The following GCN1 variants were observed in gnomAD, a reference collection of about 807,000 sequenced individuals.
GCN1 encodes the protein stalled ribosome sensor GCN1.
In GCN1, 90 loss-of-function variants were observed where a neutral mutation model predicts 288.4. That is an observed-to-expected ratio of 0.31 (90% CI 0.26 to 0.37). The LOEUF (loss-of-function observed/expected upper bound fraction) is 0.37, where lower values mean the gene tolerates loss of function less well. GCN1 is among the 10% of genes least tolerant of loss of function. The pLI, the probability that GCN1 is intolerant of heterozygous loss-of-function variation, is 1.00. For missense variants in GCN1, 2,586 were observed against 3,419.9 expected, an observed-to-expected ratio of 0.76 and a Z score of 6.08; for synonymous variants, 1,386 against 1,420.2, an observed-to-expected ratio of 0.98 and a Z score of 0.54.
chr12:120,167,181 A>T (rs1878158436), intron 16 of GCN1, among the ~76,000 whole-genome samples: 1 of 146,180 alleles, frequency 6.8e-6, no homozygotes, highest in African/African-American at 2.5e-5. Context: ...CTCTACTAAG[A>T]AAAAAAAAAA....
In GCN1 at chr12:120,136,607, G is replaced by A; in HGVS notation, c.6903C>T (p.Pro2301=). 1 of 1,614,158 alleles carries A rather than the reference G, an allele frequency of 6.2e-7. No homozygotes were observed. The highest frequency in any genetic ancestry group is 8.5e-7 in the Non-Finnish European group (1 of 1,179,986). The change falls in exon 51 of 58, where the codon CCC becomes CCT. Residue 2301 remains proline, a synonymous_variant. Transcript: ENST00000300648. ...GAGGGCCAGTGATGCTGACCACGGA[G>A]GGCCTCAGGGCGTCAGCCGAGGTCA... The part of the protein sequence containing the change: ...IRLTSADALR[P]SVVSITGPLI...
Position 120,144,476 on chromosome 12 carries a change from G to A in GCN1, c.5353-28C>T. The A allele has an allele frequency of 6.2e-7, 1 of 1,602,262 alleles. No homozygotes were observed. The highest frequency in any genetic ancestry group is 2.2e-5 in the East Asian group (1 of 44,680). ...GGGCACACAGAGGGTGGGTCAGCCA[G>A]AGCTGCCACCCCCAGGCCCCCAGCC... is the stretch of plus-strand genomic sequence containing the variant. On this transcript the variant is annotated intron_variant, in intron 41 of 57. Coordinates refer to ENST00000300648, the MANE Select transcript of GCN1 (RefSeq NM_006836.2). The surrounding 1 kb of genome is among the most constrained non-coding windows in gnomAD (Gnocchi z 4.7).
At chr12:120,159,792 G>T (rs1452629250) in intron 24 of GCN1, 33 bp downstream of exon 24, 14 of 1,594,528 alleles carry the variant, frequency 8.8e-6, no homozygotes, top group Admixed American at 1.7e-5. Context: ...GGCACCCCTG[G>T]GCCATCCCTG....
At position 120,188,814 on chromosome 12, in the gene GCN1, A is replaced by G. The variant is rs1345664262; in HGVS notation, c.121+1484T>C. Among the ~76,000 whole-genome samples, 14 of 150,456 alleles carry G rather than the reference A, an allele frequency of 9.3e-5. No homozygotes were observed. The Admixed American group carries it at 9.3e-4, about 10-fold the overall frequency. ...CAGTGAGCTGAGATCATGCCACTGC[A>G]CTCCAGCCTGGGCAACACAGTGAGA... On this transcript the variant is annotated intron_variant, in intron 2 of 57. Transcript: ENST00000300648.
At chr12:120,129,207 T>C in intron 57 of GCN1, 69 bp downstream of exon 57, 1 of 1,154,652 alleles carries the variant, frequency 8.7e-7, no homozygotes, top group South Asian at 1.2e-5. Context: ...TTTAAATATT[T>C]CCATGCTGAA....
intron 2 of GCN1, among the ~76,000 whole-genome samples, chr12:120,187,490 C>A (rs1431960301): frequency 6.6e-5 from 10 of 151,970 alleles, no homozygotes; most frequent in African/African-American, 2.4e-4. Flanking sequence ...TGCTGGGATT[C>A]CAGGTGTGAG....
chr12:120,151,051 G>A lies in GCN1; in HGVS notation c.4309+94C>T, dbSNP rs568760130. The A allele has an allele frequency of 8.7e-6, 12 of 1,385,750 alleles. No individual in the cohort carries two copies. The Admixed American group carries it at 1.4e-4, about 16-fold the overall frequency. The allele number at this position is 1,385,750 out of a possible 1,614,324, so 85.8% of individuals were successfully genotyped here. On this transcript the variant is annotated intron_variant, in intron 34 of 57. Coordinates refer to ENST00000300648, the MANE Select transcript of GCN1 (RefSeq NM_006836.2). ...CTCTGTAGTACACGCACAAGCAACG[G>A]CCTCCACCTGGGGCGCCACGGTCAG...
chr12:120,165,002 T>TAC (rs55710290), intron 16 of GCN1, among the ~76,000 whole-genome samples: 2,099 of 136,854 alleles, frequency 0.015, 48 homozygotes, highest in African/African-American at 0.05. Context: ...TACACATATA[T>TAC]ACACACACAC....
In GCN1 at chr12:120,155,828, G is replaced by C; in HGVS notation, c.3313-109C>G. On this transcript the variant is annotated intron_variant, in intron 28 of 57. Coordinates refer to ENST00000300648, the MANE Select transcript of GCN1 (RefSeq NM_006836.2). The surrounding 1 kb of genome is among the most constrained non-coding windows in gnomAD (Gnocchi z 4.9). The stretch of plus-strand genomic sequence containing the variant: ...ACTGTCCAAGATGTAGCCACTAACC[G>C]CATGTGGCTAAAGTTAAATCAATTA... The C allele has an allele frequency of 1.0e-6, 1 of 985,740 alleles. No homozygotes were observed. The highest frequency in any genetic ancestry group is 1.5e-6 in the Non-Finnish European group (1 of 651,634). The allele number at this position is 985,740 out of a possible 1,614,324, so 61.1% of individuals were successfully genotyped here.
chr12:120,175,635 ACAGC>A, intron 11 of GCN1, 107 bp downstream of exon 11: 3 of 1,164,368 alleles, frequency 2.6e-6, no homozygotes, highest in South Asian at 2.9e-5. Flanking sequence ...CCCTGGCCAC[ACAGC>A]CTTGCCACAG....
Position 120,153,744 on chromosome 12 carries a change from C to T in GCN1, c.3867G>A (p.Lys1289=). ...AALATLNTHG[K]ENVNSLLPVF... ...TGTTCCCTGGCTGGGACCCCCTTAC[C>T]TTCCCATGAGTGTTGAGCGTTGCGA... The change falls in exon 32 of 58, where the codon AAG becomes AAA. Residue 1289 remains lysine (K), a splice_region_variant and synonymous_variant. Coordinates refer to ENST00000300648, the MANE Select transcript of GCN1 (RefSeq NM_006836.2). This position sits in a 1 kb window ranked among gnomAD's most constrained non-coding sequence, Gnocchi z 4.4. 6.2e-7 allele frequency: 1 copy of T among 1,613,658 alleles called. No homozygotes were observed. The highest frequency in any genetic ancestry group is 8.5e-7 in the Non-Finnish European group (1 of 1,179,726).
chr12:120,184,006 T>G, intron 4 of GCN1, 106 bp downstream of exon 4: 2 of 1,112,356 alleles, frequency 1.8e-6, no homozygotes, highest in African/African-American at 3.1e-5. Flanking sequence ...TTTTCTCCAC[T>G]AAGCTTGCTA....
chr12:120,178,974 G>C (rs764407280), intron 5 of GCN1, 24 bp from the exon 6 acceptor site: 10 of 1,587,952 alleles, frequency 6.3e-6, no homozygotes, highest in Non-Finnish European at 6.9e-6. Context: ...GGAAGACTCA[G>C]GTCAAGGTGG....
intron 53 of GCN1, among the ~76,000 whole-genome samples, chr12:120,132,954 T>C (rs1373157335): frequency 6.6e-6 from 1 of 152,232 alleles, no homozygotes; most frequent in Non-Finnish European, 1.5e-5. Flanking sequence ...TCCAACTTCA[T>C]CTATTTTAAG....
At chr12:120,157,067 T>A (rs1453792656) in intron 26 of GCN1, 75 bp from the exon 27 acceptor site, 3 of 907,686 alleles carry the variant, frequency 3.3e-6, no homozygotes, top group African/African-American at 1.6e-5. Context: ...CGGCAGGGCA[T>A]CCTCTCACCC....
At chr12:120,192,732 G>GAA (rs10555637) in intron 1 of GCN1, among the ~76,000 whole-genome samples, 1 of 108,624 alleles carries the variant, frequency 9.2e-6, no homozygotes, top group Non-Finnish European at 2.0e-5. Flanking sequence ...ACTCCGTCTC[G>GAA]AAAAAAAAAA....
At chr12:120,182,562 G>A (rs1449292080) in intron 5 of GCN1, among the ~76,000 whole-genome samples, 1 of 152,190 alleles carries the variant, frequency 6.6e-6, no homozygotes, top group Non-Finnish European at 1.5e-5. Flanking sequence ...GGTGGACAGG[G>A]TGAGTAGTAT....
At chr12:120,176,251 C>G in intron 9 of GCN1, 34 bp from the exon 10 acceptor site, 1 of 1,374,326 alleles carries the variant, frequency 7.3e-7, no homozygotes, top group Non-Finnish European at 1.0e-6. Context: ...CCATGTCAGT[C>G]TAAGCAATAA....
rs540091268 is a variant in GCN1 at position 120,137,275 on chromosome 12, G to A, written c.6708C>T (p.His2236=). The A allele has an allele frequency of 6.2e-6, 10 of 1,614,140 alleles. No individual in the cohort carries two copies. The South Asian group carries it at 7.7e-5, about 12-fold the overall frequency. The change falls in exon 50 of 58, where the codon CAC becomes CAT. Residue 2236 remains histidine, a synonymous_variant. Coordinates refer to ENST00000300648, the MANE Select transcript of GCN1 (RefSeq NM_006836.2). The surrounding 1 kb of genome is among the most constrained non-coding windows in gnomAD (Gnocchi z 5.2). ...GNQLALIEEL[H]KEIRLIGNES... ...CGTTCCCTATGAGCCGGATTTCCTT[G>A]TGCAGCTCTTCAATGAGTGCCAACT... is the stretch of plus-strand genomic sequence containing the variant.
Sources: allele counts gnomAD v4.1 joint callset (sites outside exome capture counted in the v4.1 genomes callset), GRCh38; gene constraint gnomAD v4.1.1; non-coding constraint Gnocchi (gnomAD v3.1); transcripts MANE v1.5; gene names NCBI Gene and HGNC (gene_info 2026-07-23, HGNC 2026-07-21).